Variants in SYN3 observed in about 807,000 individuals in gnomAD.
The protein encoded by SYN3 is synapsin III.
A neutral mutation model predicts 65.8 loss-of-function variants in SYN3; 35 were observed. The observed-to-expected ratio is 0.53, with a 90% CI of 0.41 to 0.70. The LOEUF is 0.70. Ranked by LOEUF, SYN3 falls within the 30% of genes least tolerant of loss-of-function variation. SYN3 has a pLI of 0.00. For synonymous variants in SYN3, 270 were observed against 292.9 expected (o/e 0.92, Z 0.80); for missense variants, 680 against 749.0 (o/e 0.91, Z 1.08).
At chr22:32,550,733 C>A (rs1183819963) in intron 7 of SYN3, among the ~76,000 whole-genome samples, 1 of 151,694 alleles carries the variant, frequency 6.6e-6, no homozygotes, top group Non-Finnish European at 1.5e-5. Context: ...ATATTTAGCA[C>A]CCAGATTGTG....
chr22:32,967,341 A>G (rs763889614), intron 3 of SYN3, among the ~76,000 whole-genome samples: 1 of 152,240 alleles, frequency 6.6e-6, no homozygotes, highest in Non-Finnish European at 1.5e-5. Flanking sequence ...TAGAACTACT[A>G]AAATCCTATG....
chr22:33,016,410 G>A (rs536409292), intron 1 of SYN3, among the ~76,000 whole-genome samples: 17 of 152,166 alleles, frequency 1.1e-4, no homozygotes, highest in Middle Eastern at 3.4e-3. Context: ...CTACCTTTGG[G>A]CCTGAAACCA....
chr22:32,727,880 C>A (rs2061217586), intron 6 of SYN3, among the ~76,000 whole-genome samples: 2 of 152,144 alleles, frequency 1.3e-5, no homozygotes, highest in Admixed American at 6.5e-5. Context: ...AGATGTTAGA[C>A]CTTTGTCAGA....
intron 6 of SYN3, among the ~76,000 whole-genome samples, chr22:32,824,876 C>A (rs781179992): frequency 7.2e-5 from 11 of 152,144 alleles, no homozygotes; most frequent in Non-Finnish European, 1.2e-4. Context: ...CCCATGACAA[C>A]CAGAGTACTT....
intron 1 of SYN3, among the ~76,000 whole-genome samples, chr22:33,009,255 C>T (rs1286869889): frequency 6.6e-6 from 1 of 152,132 alleles, no homozygotes; most frequent in East Asian, 1.9e-4. Context: ...TGAGAGTTCC[C>T]GTTCCTCCAC....
At chr22:32,714,879 A>T (rs1444322989) in intron 6 of SYN3, among the ~76,000 whole-genome samples, 1 of 152,186 alleles carries the variant, frequency 6.6e-6, no homozygotes, top group Admixed American at 6.5e-5. Context: ...AAAGCATCCA[A>T]CATCATACTT....
At chr22:33,054,389 T>G (rs778496594) in intron 1 of SYN3, among the ~76,000 whole-genome samples, 3 of 152,218 alleles carry the variant, frequency 2.0e-5, no homozygotes, top group Non-Finnish European at 1.5e-5. Context: ...AACTTTTGTT[T>G]GTTTGTTTTT....
intron 4 of SYN3, among the ~76,000 whole-genome samples, chr22:32,906,471 A>G (rs1342729282): frequency 2.6e-5 from 4 of 152,150 alleles, no homozygotes; most frequent in Non-Finnish European, 4.4e-5. Context: ...GCTTAACCCC[A>G]GGGGAAAAAT....
At chr22:32,531,685 T>A (rs1230615000) in intron 10 of SYN3, among the ~76,000 whole-genome samples, 1 of 4,980 alleles carries the variant, frequency 2.0e-4, no homozygotes, top group Non-Finnish European at 4.0e-4. Flanking sequence ...TCTTCTGCCT[T>A]TTTTTTTTTC....
At chr22:32,559,276 T>G (rs2058549142) in intron 7 of SYN3, among the ~76,000 whole-genome samples, 1 of 152,154 alleles carries the variant, frequency 6.6e-6, no homozygotes, top group Admixed American at 6.5e-5. Context: ...CAGACACTGT[T>G]GTAGACACCA....
intron 6 of SYN3, among the ~76,000 whole-genome samples, chr22:32,624,838 A>G (rs571373987): frequency 6.6e-6 from 1 of 152,306 alleles, no homozygotes; most frequent in East Asian, 1.9e-4. Context: ...AAGGCATCTC[A>G]GGGGTATTCT....
intron 6 of SYN3, among the ~76,000 whole-genome samples, chr22:32,811,818 A>C (rs1462077528): frequency 6.6e-6 from 1 of 152,220 alleles, no homozygotes; most frequent in African/African-American, 2.4e-5. Flanking sequence ...CAAGCCCAAC[A>C]CTTGTCAAGG....
At chr22:32,700,908 C>A (rs191777906) in intron 6 of SYN3, among the ~76,000 whole-genome samples, 243 of 152,336 alleles carry the variant, frequency 1.6e-3, no homozygotes, top group African/African-American at 5.6e-3. Flanking sequence ...GAATAAGTGA[C>A]ACCATCATTT....
At position 33,022,965 on chromosome 22, in the gene SYN3, C is replaced by T. The variant is rs141331210; in HGVS notation, c.-162-16141G>A. Among the ~76,000 whole-genome samples, 1,021 of 152,306 alleles carry T rather than the reference C, an allele frequency of 6.7e-3. 12 individuals are homozygous for T. The highest frequency in any genetic ancestry group is 0.035 in the Admixed American group (538 of 15,298). ...AATTTATAGAGCCCTACAGGCAGCACTAGCCAGGACTGGGGCCCAAGCTTT... is the reference window on the plus strand; with the variant it reads ...AATTTATAGAGCCCTACAGGCAGCATTAGCCAGGACTGGGGCCCAAGCTTT... On this transcript the variant is annotated intron_variant, in intron 1 of 13. Coordinates refer to ENST00000358763, the MANE Select transcript of SYN3 (RefSeq NM_003490.4).
At chr22:32,624,849 A>G (rs2059643673) in intron 6 of SYN3, among the ~76,000 whole-genome samples, 1 of 152,204 alleles carries the variant, frequency 6.6e-6, no homozygotes, top group East Asian at 1.9e-4. Flanking sequence ...GGGGTATTCT[A>G]GTCCTGCCCG....
At chr22:32,927,861 A>C (rs184674762) in intron 4 of SYN3, among the ~76,000 whole-genome samples, 14 of 152,256 alleles carry the variant, frequency 9.2e-5, no homozygotes, top group African/African-American at 3.4e-4. Context: ...TGTTTCTCTG[A>C]GGATAGAATT....
chr22:32,765,134 G>A (rs376462756), intron 6 of SYN3, among the ~76,000 whole-genome samples: 2 of 152,094 alleles, frequency 1.3e-5, no homozygotes, highest in East Asian at 3.9e-4. Flanking sequence ...GAGTGTGTGA[G>A]TGTGGACTGT....
At chr22:32,635,391 T>G (rs920535028) in intron 6 of SYN3, among the ~76,000 whole-genome samples, 1 of 152,238 alleles carries the variant, frequency 6.6e-6, no homozygotes, top group Non-Finnish European at 1.5e-5. Context: ...TTGGTTGAAC[T>G]AGGTGGATGA....
In SYN3 at chr22:32,533,797, A is replaced by G. The variant is rs2058116782; in HGVS notation, c.1091T>C (p.Ile364Thr). ...ACTCCCTGCTTCATCCCTCACCTCG[A>G]TGATGTAATCTCTGCCATCCTTGCT... ...VHSKDGRDYI[I>T]EVMDSSMPLI... is the part of the protein sequence containing the mutation. Residue 364 changes from isoleucine (I) to threonine (T), a missense_variant, in exon 10 of 14, where the codon ATC (isoleucine) becomes ACC (threonine). Coordinates refer to ENST00000358763, the MANE Select transcript of SYN3 (RefSeq NM_003490.4). The G allele has an allele frequency of 2.5e-6, 4 of 1,611,912 alleles. No individual in the cohort carries two copies. The highest frequency in any genetic ancestry group is 2.2e-5 in the East Asian group (1 of 44,832).
Sources: gnomAD v4.1 joint callset for allele counts (sites outside exome capture counted in the v4.1 genomes callset) on GRCh38, gnomAD v4.1.1 for gene constraint, MANE v1.5 for transcripts, NCBI Gene and HGNC (gene_info 2026-07-23, HGNC 2026-07-21) for gene names.